The following TOX2 variants were observed in gnomAD, a reference collection of about 807,000 sequenced individuals.
TOX2 encodes TOX high mobility group box family member 2.
In TOX2, 15 loss-of-function variants were observed where a neutral mutation model predicts 47.4. The observed-to-expected ratio is 0.32, with a 90% confidence interval of 0.21 to 0.49. TOX2 has a LOEUF of 0.49. Among genes scored for constraint, TOX2 ranks in the 20% least tolerant of loss-of-function variants. TOX2 has a pLI of 0.99. For missense variants in TOX2, 622 were observed against 673.1 expected (o/e 0.92, Z 0.84); for synonymous variants, 290 against 296.6 (o/e 0.98, Z 0.23).
intron 1 of TOX2, among the ~76,000 whole-genome samples, chr20:43,953,924 T>C (rs2145401716): frequency 6.6e-6 from 1 of 152,262 alleles, no homozygotes; most frequent in South Asian, 2.1e-4. Flanking sequence ...GAGCTATGCT[T>C]TTCACAGGAT....
At chr20:43,951,707 G>GGTTTGTTTTTTTTTTTTTTTTTT (rs745489872) in intron 1 of TOX2, among the ~76,000 whole-genome samples, 3 of 55,098 alleles carry the variant, frequency 5.4e-5, no homozygotes, top group African/African-American at 1.6e-4. Flanking sequence ...AACTTATTAT[G>GGTTTGTTTTTTTTTTTTTTTTTT]TTTTTTTTTT....
chr20:43,948,934 C>T (rs1277022030), intron 1 of TOX2, among the ~76,000 whole-genome samples: 5 of 152,174 alleles, frequency 3.3e-5, no homozygotes, highest in African/African-American at 9.7e-5. Context: ...CTTGAGGCAG[C>T]TCACTTAACC....
At chr20:43,996,954 A>T (rs1399102533) in intron 2 of TOX2, among the ~76,000 whole-genome samples, 1 of 152,192 alleles carries the variant, frequency 6.6e-6, no homozygotes, top group African/African-American at 2.4e-5. Context: ...TTGTTGGAAT[A>T]CATAATCAGG....
chr20:43,988,378 A>G (rs1318414460), intron 2 of TOX2, among the ~76,000 whole-genome samples: 1 of 152,258 alleles, frequency 6.6e-6, no homozygotes, highest in Non-Finnish European at 1.5e-5. Flanking sequence ...AGACACATTC[A>G]TGCACAAATA....
At chr20:43,950,460 C>T (rs1569025663) in intron 1 of TOX2, among the ~76,000 whole-genome samples, 1 of 152,154 alleles carries the variant, frequency 6.6e-6, no homozygotes, top group East Asian at 1.9e-4. Context: ...ACTCCATCCC[C>T]AGTTGCCTCT....
intron 1 of TOX2, among the ~76,000 whole-genome samples, chr20:43,935,680 C>T (rs1414754631): frequency 4.6e-5 from 7 of 151,944 alleles, no homozygotes; most frequent in Non-Finnish European, 1.0e-4. Flanking sequence ...AATCCCAGCG[C>T]TTTGGGAGGC....
chr20:43,990,669 A>T (rs976375017), intron 2 of TOX2, among the ~76,000 whole-genome samples: 1 of 152,150 alleles, frequency 6.6e-6, no homozygotes, highest in Admixed American at 6.5e-5. Flanking sequence ...TTGGTCCAGG[A>T]GGCCTTGGAT....
At chr20:43,937,688 C>T (rs916795276) in intron 1 of TOX2, among the ~76,000 whole-genome samples, 1 of 152,130 alleles carries the variant, frequency 6.6e-6, no homozygotes, top group African/African-American at 2.4e-5. Flanking sequence ...CCTAAGCCAG[C>T]CTCTACGTCC....
At chr20:44,039,001 T>C (rs2071287271) in intron 3 of TOX2, 1 of 1,206,858 alleles carries the variant, frequency 8.3e-7, no homozygotes, top group African/African-American at 1.6e-5. Flanking sequence ...AGCGTGGCCA[T>C]ATGTTTCCAA....
At chr20:44,067,963 G>A (rs1555121) in intron 8 of TOX2, among the ~76,000 whole-genome samples, 21 of 152,208 alleles carry the variant, frequency 1.4e-4, no homozygotes, top group African/African-American at 4.8e-4. Context: ...CCCTAGCCTC[G>A]GCCTCCCAGC....
intron 8 of TOX2, among the ~76,000 whole-genome samples, chr20:44,067,399 C>A (rs538629787): frequency 6.6e-6 from 1 of 152,242 alleles, no homozygotes; most frequent in South Asian, 2.1e-4. Context: ...CTTTTTGAAC[C>A]CTTCATCAGT....
intron 1 of TOX2, among the ~76,000 whole-genome samples, chr20:43,932,260 A>G (rs2069261070): frequency 6.6e-6 from 1 of 152,128 alleles, no homozygotes; most frequent in African/African-American, 2.4e-5. Flanking sequence ...ACAGCTTATT[A>G]CCTTCGGAAC....
chr20:43,955,817 G>A (rs2069659717), intron 1 of TOX2, among the ~76,000 whole-genome samples: 1 of 152,122 alleles, frequency 6.6e-6, no homozygotes, highest in Non-Finnish European at 1.5e-5. Context: ...TTTCTTCCCT[G>A]CCCAAGCCCT....
Position 44,068,840 on chromosome 20 carries a change from C to T in TOX2, c.*154C>T. The T allele has an allele frequency of 9.7e-7, 1 of 1,032,196 alleles. No homozygotes were observed. Among genetic ancestry groups the T allele is most frequent in the Non-Finnish European group, 1.5e-6 (1 of 674,248 alleles). The allele number at this position is 1,032,196 out of a possible 1,614,324, so 63.9% of individuals were successfully genotyped here. ...CCCGGGGGCTGAGTCTCTTCCTCAACCTCCCACCAGACTCTGCAGAGGCAG... is the reference window on the plus strand; with the variant it reads ...CCCGGGGGCTGAGTCTCTTCCTCAATCTCCCACCAGACTCTGCAGAGGCAG... On this transcript the variant is annotated 3_prime_UTR_variant, in exon 9 of 9. Transcript: ENST00000341197.
chr20:44,038,935 G>A (rs529211911), intron 3 of TOX2: 693 of 1,182,030 alleles, frequency 5.9e-4, no homozygotes, highest in Admixed American at 2.1e-3. Flanking sequence ...CAGCCGCCTC[G>A]TTCCTGCTGC....
chr20:43,945,389 C>G (rs1328714333), intron 1 of TOX2, among the ~76,000 whole-genome samples: 1 of 152,172 alleles, frequency 6.6e-6, no homozygotes, highest in Non-Finnish European at 1.5e-5. Context: ...TCAACCAGAC[C>G]CTGGCTTTCG....
intron 1 of TOX2, among the ~76,000 whole-genome samples, chr20:43,934,160 A>AGAGG (rs2069293529): frequency 2.0e-5 from 3 of 150,514 alleles, no homozygotes; most frequent in Non-Finnish European, 4.4e-5. Context: ...AGAGAGAGAG[A>AGAGG]GAGAGAGACC....
chr20:44,006,403 C>T, intron 2 of TOX2, 144 bp from the exon 3 acceptor site: 1 of 1,321,410 alleles, frequency 7.6e-7, no homozygotes, highest in Admixed American at 2.2e-5. Flanking sequence ...CCGTCTTGAC[C>T]CTCTGCCTTG....
chr20:43,953,209 C>T (rs997841319), intron 1 of TOX2, among the ~76,000 whole-genome samples: 23 of 140,772 alleles, frequency 1.6e-4, no homozygotes, highest in African/African-American at 4.7e-4. Context: ...TTTTAGACTT[C>T]GGGCTTTCCA....
Sources: allele counts gnomAD v4.1 joint callset (sites outside exome capture counted in the v4.1 genomes callset), GRCh38; gene constraint gnomAD v4.1.1; transcripts MANE v1.5; gene names NCBI Gene and HGNC (gene_info 2026-07-23, HGNC 2026-07-21).